PCDH15: variants seen among roughly 807,000 people sequenced by gnomAD.
PCDH15 encodes the protein protocadherin-15.
PCDH15 carries 129 observed loss-of-function variants against 178.5 expected under a neutral mutation model. The observed-to-expected ratio is 0.72, with a 90% confidence interval of 0.63 to 0.84. PCDH15 has a LOEUF of 0.84. Ranked by LOEUF, PCDH15 falls within the 40% of genes least tolerant of loss-of-function variation. The pLI, the probability that PCDH15 is intolerant of heterozygous loss-of-function variation, is 0.00. For missense variants in PCDH15, 2,230 were observed against 2,099.9 expected (o/e 1.06, Z -1.21); for synonymous variants, 800 against 732.0 (o/e 1.09, Z -1.50).
intron 2 of PCDH15, among the ~76,000 whole-genome samples, chr10:55,091,196 T>A (rs1296127770): frequency 6.6e-6 from 1 of 152,004 alleles, no homozygotes; most frequent in African/African-American, 2.4e-5. Flanking sequence ...CAGTTAATGA[T>A]CCTAGTTGTA....
chr10:55,280,516 T>C (rs1273759402), intron 1 of PCDH15, among the ~76,000 whole-genome samples: 1 of 149,444 alleles, frequency 6.7e-6, no homozygotes, highest in East Asian at 2.0e-4. Context: ...CTTGAACTCC[T>C]GACCTCAGGT....
chr10:54,256,354 C>A (rs2056897590), intron 8 of PCDH15, among the ~76,000 whole-genome samples: 1 of 152,124 alleles, frequency 6.6e-6, no homozygotes. Context: ...AGATGGTCAG[C>A]TTTACTTAGA....
At chr10:54,709,627 T>TATATATAA (rs1491235711) in intron 1 of PCDH15, among the ~76,000 whole-genome samples, 52 of 141,836 alleles carry the variant, frequency 3.7e-4, no homozygotes, top group South Asian at 8.8e-4. Context: ...TATATATATA[T>TATATATAA]AAAATCACTT....
At chr10:54,699,699 A>G (rs2095282303) in intron 1 of PCDH15, among the ~76,000 whole-genome samples, 1 of 152,036 alleles carries the variant, frequency 6.6e-6, no homozygotes, top group Non-Finnish European at 1.5e-5. Context: ...TATTCCTTAT[A>G]TTGAATGTCA....
At chr10:53,807,154 T>C (rs757855760) in intron 37 of PCDH15, 24 bp from the exon 38 acceptor site, 1 of 1,532,768 alleles carries the variant, frequency 6.5e-7, no homozygotes, top group African/African-American at 1.4e-5. Flanking sequence ...CAAAAATATG[T>C]GAGTCACTAT....
At position 54,781,459 on chromosome 10, in the gene PCDH15, T is replaced by C. The variant is rs942258086; in HGVS notation, c.-29+19466A>G. ...TCTTTGAATATACTGACCCTTTTTA[T>C]ATATTAATGCCTGTGTATCAAAGTA... On this transcript the variant is annotated intron_variant, in intron 1 of 37. Transcript: ENST00000644397. 2.0e-5 allele frequency among the ~76,000 whole-genome samples: 3 copies of C among 152,156 alleles called. No individual in the cohort carries two copies. The South Asian group carries it at 6.2e-4, about 31-fold the overall frequency.
intron 1 of PCDH15, chr10:55,247,868 G>T (rs1841723526): frequency 6.7e-6 from 1 of 149,054 alleles, no homozygotes; most frequent in Admixed American, 6.7e-5. Flanking sequence ...CTCCAGCCTG[G>T]GTGACAGAGT....
At chr10:55,543,721 C>T (rs1841814832) in intron 2 of PCDH15, among the ~76,000 whole-genome samples, 1 of 151,356 alleles carries the variant, frequency 6.6e-6, no homozygotes, top group South Asian at 2.1e-4. Context: ...CATATACTTC[C>T]CCAAATTACA....
intron 2 of PCDH15, chr10:55,599,390 A>G (rs1457113497): frequency 6.6e-6 from 1 of 152,216 alleles, no homozygotes; most frequent in Non-Finnish European, 1.5e-5. Flanking sequence ...GGATCTTCAG[A>G]TACTAGAAAA....
At chr10:54,723,085 CA>C (rs553106351) in intron 1 of PCDH15, among the ~76,000 whole-genome samples, 6 of 151,328 alleles carry the variant, frequency 4.0e-5, no homozygotes, top group South Asian at 2.1e-4. Flanking sequence ...CCCAAATAGC[CA>C]AAGCAATCCT....
intron 2 of PCDH15, among the ~76,000 whole-genome samples, chr10:55,107,790 T>A (rs563320512): frequency 7.0e-6 from 1 of 143,666 alleles, no homozygotes; most frequent in Admixed American, 6.9e-5. Context: ...AATCACCACA[T>A]CCGGCCTTAC....
chr10:54,962,122 A>T (rs1274630550), intron 2 of PCDH15, among the ~76,000 whole-genome samples: 1 of 152,186 alleles, frequency 6.6e-6, no homozygotes, highest in Non-Finnish European at 1.5e-5. Context: ...GAATGGTGGG[A>T]GTGAAAGGAG....
At chr10:55,226,073 T>G (rs1052206769) in intron 1 of PCDH15, among the ~76,000 whole-genome samples, 4 of 152,042 alleles carry the variant, frequency 2.6e-5, no homozygotes, top group Non-Finnish European at 5.9e-5. Context: ...CAAGAGAAAA[T>G]AACTACTCTT....
chr10:55,418,238 C>T (rs1838532450), intron 2 of PCDH15, among the ~76,000 whole-genome samples: 1 of 151,748 alleles, frequency 6.6e-6, no homozygotes, highest in Non-Finnish European at 1.5e-5. Flanking sequence ...CAAAGAATGT[C>T]TTGTTTTTAT....
intron 8 of PCDH15, among the ~76,000 whole-genome samples, chr10:54,275,787 C>G (rs868727471): frequency 6.6e-6 from 1 of 151,544 alleles, no homozygotes; most frequent in Non-Finnish European, 1.5e-5. Flanking sequence ...TATACTAGAT[C>G]TAGCACTGAA....
At chr10:54,624,335 TTAG>T (rs1474857465) in intron 2 of PCDH15, among the ~76,000 whole-genome samples, 3 of 152,188 alleles carry the variant, frequency 2.0e-5, no homozygotes, top group Admixed American at 2.0e-4. Flanking sequence ...TTTAAAAGAA[TTAG>T]TAGCAAAAAT....
chr10:54,412,512 G>C (rs1953689699), intron 3 of PCDH15, among the ~76,000 whole-genome samples: 1 of 152,142 alleles, frequency 6.6e-6, no homozygotes, highest in Non-Finnish European at 1.5e-5. Flanking sequence ...CAATTCCTCA[G>C]AGGACATACA....
chr10:55,161,658 A>G (rs539022371), intron 2 of PCDH15, among the ~76,000 whole-genome samples: 2 of 152,270 alleles, frequency 1.3e-5, no homozygotes, highest in Admixed American at 1.3e-4. Context: ...TCTTGATGGC[A>G]GAACTTCTCT....
intron 3 of PCDH15, among the ~76,000 whole-genome samples, chr10:54,423,135 G>A (rs577023881): frequency 3.3e-5 from 5 of 152,068 alleles, no homozygotes; most frequent in South Asian, 4.2e-4. Context: ...CCTGCAGCAG[G>A]TTGAAATTTA....
Sources: allele counts gnomAD v4.1 joint callset (sites outside exome capture counted in the v4.1 genomes callset), GRCh38; gene constraint gnomAD v4.1.1; transcripts MANE v1.5; gene names NCBI Gene and HGNC (gene_info 2026-07-23, HGNC 2026-07-21).